Variants in PHF1 observed in about 807,000 individuals in gnomAD.
PHF1 encodes the protein polycomb-like 1.
Under a neutral mutation model 69.4 loss-of-function variants are expected in PHF1, and 16 were observed. That is an observed-to-expected ratio of 0.23 (90% CI 0.16 to 0.35). The LOEUF is 0.35. Among genes scored for constraint, PHF1 ranks in the 10% least tolerant of loss-of-function variants. The probability of loss-of-function intolerance (pLI) is 1.00; values close to 1 mark genes in which losing one functional copy is unlikely to be tolerated. For missense variants in PHF1, 515 were observed against 732.8 expected (o/e 0.70, Z 3.43); for synonymous variants, 274 against 275.0 (o/e 1.00, Z 0.04).
rs1776275996 is a variant in PHF1, at chr6:33,414,196, C to T, written c.753-47C>T. ...CCCAACCTCCCACCTCAGGACTCCC[C>T]TGGCTCTTAAAATGCCTCTGTGGTC... On this transcript the variant is annotated intron_variant, in intron 8 of 14. Transcript: ENST00000374516. The surrounding 1 kb of genome is among the most constrained non-coding windows in gnomAD (Gnocchi z 5.0). 4 of 1,614,046 alleles carry T rather than the reference C, an allele frequency of 2.5e-6. No individual in the cohort carries two copies. The highest frequency in any genetic ancestry group is 3.4e-6 in the Non-Finnish European group (4 of 1,179,926).
chr6:33,414,947 T>G lies in PHF1; in HGVS notation c.1050-8T>G. ...AGGGGGCTGGGGGGATAAGGAGGCC[T>G]CTTACAGCTTCCCTTCAGGGCAGGG... On this transcript the variant is annotated splice_polypyrimidine_tract_variant and splice_region_variant and intron_variant, in intron 11 of 14. Coordinates refer to ENST00000374516, the MANE Select transcript of PHF1 (RefSeq NM_024165.3). This position sits in a 1 kb window ranked among gnomAD's most constrained non-coding sequence, Gnocchi z 5.0. 1 of 1,523,594 alleles carries G rather than the reference T, an allele frequency of 6.6e-7. No homozygotes were observed. The highest frequency in any genetic ancestry group is 8.8e-7 in the Non-Finnish European group (1 of 1,134,062). The allele number at this position is 1,523,594 out of a possible 1,614,324, so 94.4% of individuals were successfully genotyped here.
At position 33,414,314 on chromosome 6, in the gene PHF1, G is replaced by A. The variant is rs767493691; in HGVS notation, c.824G>A (p.Arg275His). Residue 275 changes from arginine to histidine, a missense_variant, in exon 9 of 15, where the codon CGT (arginine) becomes CAT (histidine). Physicochemically the swap from Arg to His is conservative, Grantham distance 29 (BLOSUM62 0). This residue lies in a region of PHF1 where 142 missense variants were observed against 309.7 expected (regional missense o/e 0.46). Coordinates refer to ENST00000374516, the MANE Select transcript of PHF1 (RefSeq NM_024165.3). The surrounding 1 kb of genome is among the most constrained non-coding windows in gnomAD (Gnocchi z 5.0). ...AAGAAGAAATACTTTGATTTTGATCGTGAGATCCTCCCCTTCACTTCTGAG... is the reference window on the plus strand; with the variant it reads ...AAGAAGAAATACTTTGATTTTGATCATGAGATCCTCCCCTTCACTTCTGAG... ...CCKKKYFDFDREILPFTSENW... is the reference protein window; with the variant it reads ...CCKKKYFDFDHEILPFTSENW... The A allele has an allele frequency of 8.1e-6, 13 of 1,613,958 alleles. No individual in the cohort carries two copies. Among genetic ancestry groups the A allele is most frequent in the Admixed American group, 3.3e-5 (2 of 59,996 alleles).
Position 33,411,600 on chromosome 6 carries a change from T to G in PHF1, c.-17+385T>G, listed in dbSNP as rs1183092330. 3.9e-5 allele frequency among the ~76,000 whole-genome samples: 6 copies of G among 152,044 alleles called. No individual in the cohort carries two copies. The East Asian group carries it at 1.2e-3, about 29-fold the overall frequency. On this transcript the variant is annotated intron_variant, in intron 1 of 14. Transcript: ENST00000374516. ...CTAATTATGATACCTCTAAACTGAG[T>G]AGCCTTTGCTTCTACAACCATAATT...
At chr6:33,415,390 C>CT in intron 13 of PHF1, 61 bp downstream of exon 13, 1 of 1,383,600 alleles carries the variant, frequency 7.2e-7, no homozygotes, top group Non-Finnish European at 1.0e-6. Context: ...ATCTTCTGGA[C>CT]TTTATCACCC....
intron 1 of PHF1, among the ~76,000 whole-genome samples, chr6:33,411,472 A>T (rs950081169): frequency 6.6e-6 from 1 of 152,124 alleles, no homozygotes; most frequent in African/African-American, 2.4e-5. Flanking sequence ...CACCAGGATG[A>T]TTGTTCTTAA....
chr6:33,415,484 T>C, intron 13 of PHF1, 106 bp from the exon 14 acceptor site: 1 of 1,314,228 alleles, frequency 7.6e-7, no homozygotes, highest in East Asian at 2.3e-5. Context: ...GCCAGTATTC[T>C]GGGGAAGGGA....
In PHF1 at chr6:33,415,916, C is replaced by T; in HGVS notation, c.1522C>T (p.Pro508Ser). The T allele has an allele frequency of 2.5e-6, 4 of 1,614,122 alleles. No individual in the cohort carries two copies. Among genetic ancestry groups the T allele is most frequent in the Non-Finnish European group, 3.4e-6 (4 of 1,179,986 alleles). The change falls in exon 15 of 15, where the codon CCT becomes TCT. Residue 508 changes from proline (P) to serine (S), a missense_variant. Transcript: ENST00000374516. Reference sequence around the variant, plus strand: ...AGTTTCATCCCCATCCCCAGGTCTTCCTAGACGCTCAGCACCCCCTTCTCC... The same window carrying T: ...AGTTTCATCCCCATCCCCAGGTCTTTCTAGACGCTCAGCACCCCCTTCTCC... ...SSVSSPSPGL[P>S]RRSAPPSPLC... is the part of the protein sequence containing the mutation.
rs1306051275 is a variant in PHF1 at position 33,415,923 on chromosome 6, G to A, written c.1529G>A (p.Arg510His). The A allele has an allele frequency of 3.1e-6, 5 of 1,613,912 alleles. No homozygotes were observed. The highest frequency in any genetic ancestry group is 2.2e-5 in the East Asian group (1 of 44,892). Residue 510 changes from arginine (R) to histidine (H), a missense_variant, in exon 15 of 15, where the codon CGC becomes CAC. Physicochemically the swap from Arg to His is conservative, Grantham distance 29. Around this residue, in one of 5 missense-constraint regions of PHF1, gnomAD observed 274 missense variants for 304.5 expected, o/e 0.90. Coordinates refer to ENST00000374516, the MANE Select transcript of PHF1 (RefSeq NM_024165.3). ...TCCCCATCCCCAGGTCTTCCTAGAC[G>A]CTCAGCACCCCCTTCTCCCCTGTGC... ...VSSPSPGLPR[R>H]SAPPSPLCRS...
rs1776448467 is a variant in PHF1 at position 33,416,018 on chromosome 6, G to T, written c.1624G>T (p.Val542Phe). The change falls in exon 15 of 15, where the codon GTC becomes TTC. Residue 542 changes from valine (V) to phenylalanine (F), a missense_variant. By Grantham distance (50) the Val-to-Phe change is conservative. Coordinates refer to ENST00000374516, the MANE Select transcript of PHF1 (RefSeq NM_024165.3). ...GVGYLSRGDPVRVLARRVRPD... is the reference protein window; with the variant it reads ...GVGYLSRGDPFRVLARRVRPD... ...TGGTTACCTGTCCCGAGGGGACCCTGTCCGGGTCCTTGCTCGGAGAGTACG... is the reference window on the plus strand; with the variant it reads ...TGGTTACCTGTCCCGAGGGGACCCTTTCCGGGTCCTTGCTCGGAGAGTACG... The T allele has an allele frequency of 8.7e-6, 14 of 1,613,116 alleles. No homozygotes were observed. Among genetic ancestry groups the T allele is most frequent in the Non-Finnish European group, 1.2e-5 (14 of 1,179,366 alleles).
rs1776299633 is a variant in PHF1, at chr6:33,414,607, G to T, written c.944+63G>T. On this transcript the variant is annotated intron_variant, in intron 10 of 14. Coordinates refer to ENST00000374516, the MANE Select transcript of PHF1 (RefSeq NM_024165.3). This position sits in a 1 kb window ranked among gnomAD's most constrained non-coding sequence, Gnocchi z 5.0. ...GAAAGAGATGGAGAGTGGAAGCCTG[G>T]AAGGGGAGGGGCTTGCAACCCACCT... 1.3e-5 allele frequency: 21 copies of T among 1,583,904 alleles called. No individual in the cohort carries two copies. The highest frequency in any genetic ancestry group is 1.8e-5 in the Non-Finnish European group (21 of 1,154,730).
In PHF1 at chr6:33,415,686, C is replaced by T; in HGVS notation, c.1415+16C>T. On this transcript the variant is annotated intron_variant, in intron 14 of 14. Transcript: ENST00000374516. ...CCCCAGACAGGTGAGATTCTGTCTTCTATTACCAGTGATGCTCTTCTTCCC... is the reference window on the plus strand; with the variant it reads ...CCCCAGACAGGTGAGATTCTGTCTTTTATTACCAGTGATGCTCTTCTTCCC... 1.2e-6 allele frequency: 2 copies of T among 1,611,824 alleles called. No individual in the cohort carries two copies. Among genetic ancestry groups the T allele is most frequent in the South Asian group, 2.2e-5 (2 of 91,012 alleles).
chr6:33,415,688 A>G lies in PHF1; in HGVS notation c.1415+18A>G. The G allele has an allele frequency of 5.6e-6, 9 of 1,611,988 alleles. No homozygotes were observed. Among genetic ancestry groups the G allele is most frequent in the Non-Finnish European group, 6.8e-6 (8 of 1,178,172 alleles). ...CCAGACAGGTGAGATTCTGTCTTCT[A>G]TTACCAGTGATGCTCTTCTTCCCCT... On this transcript the variant is annotated intron_variant, in intron 14 of 14. Coordinates refer to ENST00000374516, the MANE Select transcript of PHF1 (RefSeq NM_024165.3).
At chr6:33,411,605 T>C (rs1776069788) in intron 1 of PHF1, among the ~76,000 whole-genome samples, 1 of 152,132 alleles carries the variant, frequency 6.6e-6, no homozygotes, top group South Asian at 2.1e-4. Flanking sequence ...CTGAGTAGCC[T>C]TTGCTTCTAC....
Position 33,414,123 on chromosome 6 carries a change from G to C in PHF1, c.752+14G>C. ...ACAGCTTCGCTGGTGAGCTGGATTG[G>C]GCATGACCTCAGTGTAACTCCACAC... On this transcript the variant is annotated intron_variant, in intron 8 of 14. Transcript: ENST00000374516. This position sits in a 1 kb window ranked among gnomAD's most constrained non-coding sequence, Gnocchi z 5.0. 6.2e-7 allele frequency: 1 copy of C among 1,614,016 alleles called. No homozygotes were observed. The highest frequency in any genetic ancestry group is 8.5e-7 in the Non-Finnish European group (1 of 1,179,994).
rs537481871 is a variant in PHF1, at chr6:33,413,931, A to G, written c.683+100A>G. 146 of 1,535,044 alleles carry G rather than the reference A, an allele frequency of 9.5e-5. No homozygotes were observed. In the African/African-American group the frequency reaches 1.6e-3, roughly 16 times the overall value. On this transcript the variant is annotated intron_variant, in intron 7 of 14. Transcript: ENST00000374516. The stretch of plus-strand genomic sequence containing the variant: ...CCTTCTCCACTCCAGTCTCTTCCCA[A>G]CCTCTGCAGCGTTACCTCACCTGTT...
rs1450318357 is a variant in PHF1, at chr6:33,414,026, C to T, written c.684-15C>T. ...TCCTGTGTAAGTGTGTTTGCTCCCTCTTGCCCATGTCCAGGTTCTATGAAT... is the reference window on the plus strand; with the variant it reads ...TCCTGTGTAAGTGTGTTTGCTCCCTTTTGCCCATGTCCAGGTTCTATGAAT... On this transcript the variant is annotated splice_polypyrimidine_tract_variant and intron_variant, in intron 7 of 14. Transcript: ENST00000374516. This position sits in a 1 kb window ranked among gnomAD's most constrained non-coding sequence, Gnocchi z 5.0. The T allele has an allele frequency of 3.7e-6, 6 of 1,613,860 alleles. No individual in the cohort carries two copies. In the African/African-American group the frequency reaches 6.7e-5, roughly 18 times the overall value.
At position 33,415,256 on chromosome 6, in the gene PHF1, C is replaced by G. The variant is rs2151111569; in HGVS notation, c.1261C>G (p.Pro421Ala). 1 of 1,613,932 alleles carries G rather than the reference C, an allele frequency of 6.2e-7. No individual in the cohort carries two copies. The highest frequency in any genetic ancestry group is 2.2e-5 in the East Asian group (1 of 44,884). Residue 421 changes from proline (P) to alanine (A), a missense_variant, in exon 13 of 15, where the codon CCC becomes GCC. This residue lies in a region of PHF1 where 274 missense variants were observed against 304.5 expected (regional missense o/e 0.90). Transcript: ENST00000374516. ...CTAGGCCTCAGTGTCTCCACCATCCCCCAGCCCTAACCAGAGTTACCAGGG... is the reference window on the plus strand; with the variant it reads ...CTAGGCCTCAGTGTCTCCACCATCCGCCAGCCCTAACCAGAGTTACCAGGG... ...ALQASVSPPS[P>A]SPNQSYQGSS...
Position 33,415,332 on chromosome 6 carries a change from C to A in PHF1, c.1334+3C>A. ...ACAGATGCCCGCTGCCTGCCCAGGT[C>A]AGTGCTCCTCTGCCCCTCCCCCACA... On this transcript the variant is annotated splice_donor_region_variant and intron_variant, in intron 13 of 14. Coordinates refer to ENST00000374516, the MANE Select transcript of PHF1 (RefSeq NM_024165.3). 6.2e-7 allele frequency: 1 copy of A among 1,606,656 alleles called. No individual in the cohort carries two copies. The highest frequency in any genetic ancestry group is 8.5e-7 in the Non-Finnish European group (1 of 1,174,460).
intron 4 of PHF1, 177 bp from the exon 5 acceptor site, chr6:33,413,019 C>T: frequency 4.2e-6 from 3 of 712,046 alleles, no homozygotes; most frequent in Non-Finnish European, 7.3e-6. Flanking sequence ...AACCATATGA[C>T]CTCGGACAAG....
Sources: allele counts gnomAD v4.1 joint callset (sites outside exome capture counted in the v4.1 genomes callset), GRCh38; gene constraint gnomAD v4.1.1; regional missense constraint gnomAD v4.1.1; non-coding constraint Gnocchi (gnomAD v3.1); transcripts MANE v1.5; gene names NCBI Gene and HGNC (gene_info 2026-07-23, HGNC 2026-07-21).